CYP3A43: variants seen among roughly 807,000 people sequenced by gnomAD.
The protein encoded by CYP3A43 is cytochrome P450 3A43.
In CYP3A43, 45 loss-of-function variants were observed where a neutral mutation model predicts 58.0. The observed-to-expected ratio is 0.78, with a 90% CI of 0.61 to 0.99. The LOEUF (loss-of-function observed/expected upper bound fraction) is 0.99, where lower values mean the gene tolerates loss of function less well. CYP3A43 is among the 50% of genes least tolerant of loss of function. CYP3A43 has a pLI of 0.00. For synonymous variants in CYP3A43, 191 were observed against 201.4 expected (o/e 0.95, Z 0.44); for missense variants, 593 against 591.9 (o/e 1.00, Z -0.02).
At chr7:99,847,130 G>A (rs1195077724) in intron 4 of CYP3A43, among the ~76,000 whole-genome samples, 1 of 152,094 alleles carries the variant, frequency 6.6e-6, no homozygotes, top group African/African-American at 2.4e-5. Flanking sequence ...CTGCCTATCT[G>A]TCACCAGTCC....
intron 4 of CYP3A43, among the ~76,000 whole-genome samples, chr7:99,844,959 C>T (rs1317683424): frequency 6.6e-6 from 1 of 151,738 alleles, no homozygotes; most frequent in Non-Finnish European, 1.5e-5. Context: ...GTCCCAGCTA[C>T]TCGGGAGGCT....
chr7:99,830,372 G>T (rs2023165), intron 1 of CYP3A43, among the ~76,000 whole-genome samples: 7,605 of 152,208 alleles, frequency 0.05, 265 homozygotes, highest in African/African-American at 0.096. Flanking sequence ...ACAAAAATTA[G>T]CTGGGTGTGG....
At chr7:99,862,574 A>G (rs1818279065) in intron 11 of CYP3A43, among the ~76,000 whole-genome samples, 1 of 152,214 alleles carries the variant, frequency 6.6e-6, no homozygotes. Context: ...TGGGCATGAT[A>G]TTCTGGGAAT....
chr7:99,837,324 AAAAAAAAAAAAG>A (rs1817134715), intron 2 of CYP3A43, among the ~76,000 whole-genome samples: 1 of 151,270 alleles, frequency 6.6e-6, no homozygotes, highest in African/African-American at 2.4e-5. Flanking sequence ...GTCTCAAAAA[AAAAAAAAAAAAG>A]AAAAGAAAAA....
chr7:99,835,196 T>C (rs142861287), intron 1 of CYP3A43, among the ~76,000 whole-genome samples: 203 of 152,316 alleles, frequency 1.3e-3, no homozygotes, highest in African/African-American at 3.7e-3. Context: ...GGCTTTAAGA[T>C]AGTAAAATTT....
At chr7:99,841,539 AG>A in intron 3 of CYP3A43, among the ~76,000 whole-genome samples, 1 of 152,090 alleles carries the variant, frequency 6.6e-6, no homozygotes, top group Non-Finnish European at 1.5e-5. Flanking sequence ...CTGGGATTAT[AG>A]GCACTCACTA....
At chr7:99,864,755 T>C (rs1243117404) in intron 12 of CYP3A43, among the ~76,000 whole-genome samples, 1 of 148,828 alleles carries the variant, frequency 6.7e-6, no homozygotes, top group East Asian at 1.9e-4. Flanking sequence ...AGTTCTTGGA[T>C]ACAAGTTTTA....
intron 2 of CYP3A43, among the ~76,000 whole-genome samples, chr7:99,837,814 T>C (rs1817156976): frequency 6.6e-6 from 1 of 152,200 alleles, no homozygotes; most frequent in Non-Finnish European, 1.5e-5. Context: ...ACCAAGGGCC[T>C]GGGGCCATGA....
intron 2 of CYP3A43, among the ~76,000 whole-genome samples, chr7:99,838,441 C>G (rs1192088894): frequency 6.6e-6 from 1 of 152,242 alleles, no homozygotes; most frequent in Non-Finnish European, 1.5e-5. Context: ...GACACTCACT[C>G]ACTTTCCGTC....
At chr7:99,832,876 C>T (rs1368069927) in intron 1 of CYP3A43, among the ~76,000 whole-genome samples, 3 of 152,122 alleles carry the variant, frequency 2.0e-5, no homozygotes, top group Non-Finnish European at 4.4e-5. Flanking sequence ...GTCAATTAAG[C>T]CTCTTTTCTT....
At chr7:99,835,329 G>A (rs1817026411) in intron 1 of CYP3A43, among the ~76,000 whole-genome samples, 1 of 152,208 alleles carries the variant, frequency 6.6e-6, no homozygotes, top group African/African-American at 2.4e-5. Flanking sequence ...TACAGTCTGG[G>A]CATCCGATTT....
chr7:99,847,935 C>T, intron 5 of CYP3A43: 1 of 557,772 alleles, frequency 1.8e-6, no homozygotes, highest in Non-Finnish European at 3.2e-6. Context: ...TTGTTTGAAT[C>T]TAGAGGCGGA....
At chr7:99,863,003 C>T (rs1217311992) in intron 11 of CYP3A43, among the ~76,000 whole-genome samples, 1 of 152,110 alleles carries the variant, frequency 6.6e-6, no homozygotes, top group Non-Finnish European at 1.5e-5. Flanking sequence ...GGAACTGGGC[C>T]AGGCAGTGAG....
At chr7:99,861,950 A>G (rs1374969430) in intron 11 of CYP3A43, 111 bp downstream of exon 11, 1 of 938,850 alleles carries the variant, frequency 1.1e-6, no homozygotes, top group East Asian at 2.5e-5. Flanking sequence ...TCATTTTGGA[A>G]GTTTTTTATT....
At chr7:99,830,072 C>T (rs112766010) in intron 1 of CYP3A43, among the ~76,000 whole-genome samples, 40 of 152,222 alleles carry the variant, frequency 2.6e-4, no homozygotes, top group African/African-American at 9.6e-4. Flanking sequence ...GTCTTCAGAA[C>T]CAAGCTAACT....
intron 1 of CYP3A43, among the ~76,000 whole-genome samples, chr7:99,831,458 C>A (rs1816840125): frequency 6.6e-6 from 1 of 152,172 alleles, no homozygotes; most frequent in African/African-American, 2.4e-5. Context: ...TTTATGCATA[C>A]CATAATTTTC....
rs969889452 is a variant in CYP3A43, at chr7:99,839,556, A to G, written c.218+384A>G. 5 of 414,434 alleles carry G rather than the reference A, an allele frequency of 1.2e-5. 1 individual carries two copies. The highest frequency in any genetic ancestry group is 3.7e-5 in the South Asian group (2 of 54,140). The allele number at this position is 414,434 out of a possible 1,614,324, so 25.7% of individuals were successfully genotyped here. ...ATACATAAGCCACATTCCCACAACA[A>G]TAGCAATGTGGCATCACTCGTCTGG... On this transcript the variant is annotated intron_variant, in intron 3 of 12. Transcript: ENST00000354829.
intron 4 of CYP3A43, among the ~76,000 whole-genome samples, chr7:99,847,080 C>A (rs750059809): frequency 6.6e-6 from 1 of 152,088 alleles, no homozygotes; most frequent in Non-Finnish European, 1.5e-5. Flanking sequence ...GTATTAAAGA[C>A]ACAGCTGCTC....
At chr7:99,844,271 C>A in intron 4 of CYP3A43, 29 bp downstream of exon 4, 1 of 1,594,280 alleles carries the variant, frequency 6.3e-7, no homozygotes, top group South Asian at 1.1e-5. Context: ...ATGTATTAAT[C>A]AAATTTTTAT....
Sources: allele counts gnomAD v4.1 joint callset (sites outside exome capture counted in the v4.1 genomes callset), GRCh38; gene constraint gnomAD v4.1.1; transcripts MANE v1.5; gene names NCBI Gene and HGNC (gene_info 2026-07-23, HGNC 2026-07-21).